The following BLTP1 variants were observed in gnomAD, a reference collection of about 807,000 sequenced individuals.
BLTP1 encodes the protein fragile site-associated protein.
chr4:122,328,333 G>C, the BLTP1 span: 3 of 1,609,116 alleles, frequency 1.9e-6, no homozygotes, highest in African/African-American at 2.7e-5. Flanking sequence ...GAGAGGGAAA[G>C]GTTTTATATT....
chr4:122,178,906 A>G, the BLTP1 span, among the ~76,000 whole-genome samples: 1 of 152,220 alleles, frequency 6.6e-6, no homozygotes, highest in East Asian at 1.9e-4. Context: ...GTTGAACAAA[A>G]TGCGTAAATC....
the BLTP1 span, chr4:122,221,929 T>C: frequency 1.0e-6 from 1 of 982,158 alleles, no homozygotes; most frequent in Non-Finnish European, 1.2e-6. Context: ...TTTCCAGACA[T>C]AGAAAACATT....
At chr4:122,209,013 A>G in the BLTP1 span, 1 of 850,394 alleles carries the variant, frequency 1.2e-6, no homozygotes, top group Non-Finnish European at 1.5e-6. Flanking sequence ...AAGATAAATA[A>G]TACAATAAAA....
the BLTP1 span, among the ~76,000 whole-genome samples, chr4:122,233,314 C>T: frequency 6.6e-6 from 1 of 152,178 alleles, no homozygotes; most frequent in Non-Finnish European, 1.5e-5. Context: ...CTATTTTATG[C>T]CCACAATGAT....
At chr4:122,184,326 G>C in the BLTP1 span, among the ~76,000 whole-genome samples, 1 of 152,118 alleles carries the variant, frequency 6.6e-6, no homozygotes, top group Non-Finnish European at 1.5e-5. Context: ...TTAGATAGTT[G>C]ATAGCAGTTG....
the BLTP1 span, chr4:122,357,014 AT>A: frequency 1.0e-6 from 1 of 984,334 alleles, no homozygotes; most frequent in Non-Finnish European, 1.2e-6. Context: ...CTTACAGGAG[AT>A]TCTTGAAAAA....
At chr4:122,154,067 A>G in the BLTP1 span, 1 of 985,044 alleles carries the variant, frequency 1.0e-6, no homozygotes, top group East Asian at 1.1e-4. Context: ...TCTGAAGAAA[A>G]GTAGAAGGAA....
the BLTP1 span, chr4:122,324,371 T>A: frequency 3.2e-5 from 49 of 1,534,216 alleles, no homozygotes; most frequent in Non-Finnish European, 4.1e-5. Context: ...TTATTTGAAG[T>A]CAAATACAGT....
At chr4:122,318,560 GTC>G in the BLTP1 span, among the ~76,000 whole-genome samples, 2 of 152,110 alleles carry the variant, frequency 1.3e-5, no homozygotes, top group African/African-American at 4.8e-5. Context: ...ACTGTGTTTT[GTC>G]TGTTTTTCAT....
At chr4:122,157,354 C>A in the BLTP1 span, among the ~76,000 whole-genome samples, 1 of 152,024 alleles carries the variant, frequency 6.6e-6, no homozygotes. Flanking sequence ...TAGTGGTCCT[C>A]AACCTTTTTG....
chr4:122,202,022 A>ATCCC, the BLTP1 span: 1 of 307,866 alleles, frequency 3.2e-6, no homozygotes, highest in Non-Finnish European at 4.8e-6. Context: ...TGAAATAGGG[A>ATCCC]TAACAATTTC....
the BLTP1 span, among the ~76,000 whole-genome samples, chr4:122,156,768 A>G: frequency 6.6e-6 from 1 of 152,216 alleles, no homozygotes; most frequent in Non-Finnish European, 1.5e-5. Flanking sequence ...AAATCTGAAG[A>G]TAAAGGAATG....
the BLTP1 span, among the ~76,000 whole-genome samples, chr4:122,333,266 A>G: frequency 1.8e-5 from 1 of 56,808 alleles, no homozygotes; most frequent in African/African-American, 7.0e-5. Context: ...AAGTGTTCCT[A>G]TTTCTCCGCA....
chr4:122,263,116 T>C, the BLTP1 span: 1 of 1,387,616 alleles, frequency 7.2e-7, no homozygotes, highest in Non-Finnish European at 9.5e-7. Flanking sequence ...GAGAAAAAAT[T>C]TTAGGAATCC....
At chr4:122,356,556 C>T in the BLTP1 span, 1 of 1,533,722 alleles carries the variant, frequency 6.5e-7, no homozygotes, top group Non-Finnish European at 8.9e-7. Flanking sequence ...TTACATAGAC[C>T]TATATAAATC....
the BLTP1 span, chr4:122,204,388 C>T: frequency 6.9e-6 from 6 of 869,244 alleles, no homozygotes; most frequent in Non-Finnish European, 6.9e-6. Context: ...ATTTACAAAG[C>T]ATGTTCACTT....
At chr4:122,308,200 G>T in the BLTP1 span, 2 of 1,602,150 alleles carry the variant, frequency 1.2e-6, no homozygotes, top group South Asian at 2.2e-5. Context: ...TAAGAGCCAG[G>T]CATTTCTACA....
chr4:122,239,561 T>G, the BLTP1 span: 2 of 1,611,482 alleles, frequency 1.2e-6, no homozygotes, highest in Non-Finnish European at 1.7e-6. Flanking sequence ...CTCCTAATAC[T>G]CAGGATAAGT....
At chr4:122,182,622 AC>A in the BLTP1 span, 6 of 984,870 alleles carry the variant, frequency 6.1e-6, no homozygotes, top group Non-Finnish European at 7.2e-6. Context: ...CCCTCCATCT[AC>A]CATTCTGCTT....
Sources: gnomAD v4.1 joint callset for allele counts (sites outside exome capture counted in the v4.1 genomes callset) on GRCh38, gnomAD v4.1.1 for gene constraint, MANE v1.5 for transcripts, NCBI Gene and HGNC (gene_info 2026-07-23, HGNC 2026-07-21) for gene names.